Variants in GPR39 observed in about 807,000 individuals in gnomAD.
The protein encoded by GPR39 is G protein-coupled receptor 39.
GPR39 carries 23 observed loss-of-function variants against 18.4 expected under a neutral mutation model. The ratio of observed to expected loss-of-function variants is 1.25; its 90% CI spans 0.90 to 1.77. GPR39 has a LOEUF of 1.77. Ranked by LOEUF, GPR39 falls within the 40% of genes most tolerant of loss-of-function variation. The pLI is 0.00. For missense variants in GPR39, 647 were observed against 602.4 expected, an observed-to-expected ratio of 1.07 and a Z score of -0.78; for synonymous variants, 280 against 257.9, an observed-to-expected ratio of 1.09 and a Z score of -0.82.
At chr2:132,634,870 G>T (rs73955763) in intron 1 of GPR39, among the ~76,000 whole-genome samples, 2,026 of 152,268 alleles carry the variant, frequency 0.013, 41 homozygotes, top group African/African-American at 0.046. Context: ...TACTCTGTTT[G>T]TACCCCATAG....
chr2:132,454,540 G>A (rs1680684965), intron 1 of GPR39, among the ~76,000 whole-genome samples: 3 of 152,268 alleles, frequency 2.0e-5, no homozygotes, highest in Admixed American at 6.5e-5. Context: ...TGGTGAGAGA[G>A]GGCATCCTTG....
At chr2:132,531,750 C>G (rs1042212796) in intron 1 of GPR39, among the ~76,000 whole-genome samples, 1 of 152,214 alleles carries the variant, frequency 6.6e-6, no homozygotes, top group African/African-American at 2.4e-5. Context: ...TGAATGACTA[C>G]TGGGGACATA....
chr2:132,425,147 A>C (rs186718056), intron 1 of GPR39, among the ~76,000 whole-genome samples: 1 of 152,286 alleles, frequency 6.6e-6, no homozygotes, highest in African/African-American at 2.4e-5. Context: ...CCTACCACTT[A>C]CACTAGCATT....
chr2:132,572,964 T>C (rs2104816128), intron 1 of GPR39, among the ~76,000 whole-genome samples: 1 of 152,102 alleles, frequency 6.6e-6, no homozygotes, highest in East Asian at 1.9e-4. Flanking sequence ...AAGTGGAGGA[T>C]GTGGGTTTTA....
chr2:132,492,258 C>G (rs1448047700), intron 1 of GPR39, among the ~76,000 whole-genome samples: 2 of 136,320 alleles, frequency 1.5e-5, no homozygotes, highest in Non-Finnish European at 3.1e-5. Flanking sequence ...CATATATACA[C>G]CATATATATA....
intron 1 of GPR39, among the ~76,000 whole-genome samples, chr2:132,593,963 T>A (rs1680892392): frequency 6.6e-6 from 1 of 152,114 alleles, no homozygotes; most frequent in South Asian, 2.1e-4. Flanking sequence ...CCATCCCGCC[T>A]CCCTGATATT....
intron 1 of GPR39, among the ~76,000 whole-genome samples, chr2:132,468,832 A>G (rs1680978001): frequency 6.6e-6 from 1 of 152,134 alleles, no homozygotes; most frequent in Non-Finnish European, 1.5e-5. Context: ...GGGACAGATG[A>G]GAGAGAGGAG....
chr2:132,534,493 A>G (rs1445268578), intron 1 of GPR39, among the ~76,000 whole-genome samples: 2 of 147,318 alleles, frequency 1.4e-5, no homozygotes, highest in Non-Finnish European at 3.0e-5. Context: ...TACTGGGTAT[A>G]TAACCAAATG....
chr2:132,522,033 T>C (rs1049766811), intron 1 of GPR39, among the ~76,000 whole-genome samples: 1 of 152,200 alleles, frequency 6.6e-6, no homozygotes, highest in Non-Finnish European at 1.5e-5. Flanking sequence ...ATAGTTGCTG[T>C]GTAAATGCGA....
chr2:132,510,735 CT>C (rs1389777771), intron 1 of GPR39, among the ~76,000 whole-genome samples: 1 of 152,048 alleles, frequency 6.6e-6, no homozygotes, highest in African/African-American at 2.4e-5. Flanking sequence ...CATAATAGAT[CT>C]GATAAAATGG....
chr2:132,417,643 C>T lies in GPR39; in HGVS notation c.601C>T (p.Gln201Ter). ...CCGCTCCAGCACCCGCCACCACGAG[C>T]AGCCCGAGACCTCCAATATGTCCAT... ...CNRSSTRHHE[Q>*]PETSNMSICT... Residue 201 changes from glutamine to a stop codon, truncating the protein, a stop_gained, in exon 1 of 2, where the codon CAG (glutamine) becomes TAG (stop). Transcript: ENST00000329321. LOFTEE classifies it high-confidence loss of function. The T allele has an allele frequency of 1.2e-6, 2 of 1,614,130 alleles. No individual in the cohort carries two copies. The highest frequency in any genetic ancestry group is 1.7e-6 in the Non-Finnish European group (2 of 1,180,036).
chr2:132,592,735 G>A (rs1000850253), intron 1 of GPR39, among the ~76,000 whole-genome samples: 2 of 152,206 alleles, frequency 1.3e-5, no homozygotes, highest in Non-Finnish European at 2.9e-5. Context: ...GAGGTGGCAG[G>A]AAGTGATTGG....
intron 1 of GPR39, among the ~76,000 whole-genome samples, chr2:132,479,960 G>A (rs1573622532): frequency 6.6e-6 from 1 of 151,946 alleles, no homozygotes; most frequent in East Asian, 1.9e-4. Context: ...ACTGTTGGCA[G>A]GAATGTAAAA....
intron 1 of GPR39, among the ~76,000 whole-genome samples, chr2:132,589,214 C>A (rs1680784685): frequency 6.6e-6 from 1 of 151,928 alleles, no homozygotes; most frequent in South Asian, 2.1e-4. Flanking sequence ...TGGCCATGTC[C>A]CCCCCTCCCC....
intron 1 of GPR39, among the ~76,000 whole-genome samples, chr2:132,479,315 C>T (rs1436672664): frequency 1.3e-5 from 2 of 152,186 alleles, no homozygotes; most frequent in East Asian, 1.9e-4. Context: ...TAAGAGCAAG[C>T]ACCAAGTGCT....
intron 1 of GPR39, among the ~76,000 whole-genome samples, chr2:132,562,089 C>A (rs116405632): frequency 0.013 from 1,960 of 152,214 alleles, 50 homozygotes; most frequent in African/African-American, 0.045. Context: ...CTTTTAGCAA[C>A]CTGATGTCCA....
rs1162200512 is a variant in GPR39, at chr2:132,417,102, C to T, written c.60C>T (p.Val20=). 3 of 1,614,042 alleles carry T rather than the reference C, an allele frequency of 1.9e-6. No homozygotes were observed. The highest frequency in any genetic ancestry group is 2.5e-6 in the Non-Finnish European group (3 of 1,180,054). The change falls in exon 1 of 2, where the codon GTC becomes GTT. Residue 20 remains valine (V), a synonymous_variant. Transcript: ENST00000329321. ...CCCAAATCATTGATCACAGTCATGT[C>T]CCCGAGTTTGAGGTGGCCACCTGGA... The part of the protein sequence containing the change: ...DCSQIIDHSH[V]PEFEVATWIK...
chr2:132,511,273 T>A (rs149554839), intron 1 of GPR39, among the ~76,000 whole-genome samples: 1 of 152,172 alleles, frequency 6.6e-6, no homozygotes, highest in African/African-American at 2.4e-5. Flanking sequence ...TGCCAACAAA[T>A]CAAGTTTTTC....
At chr2:132,467,265 TG>T (rs1421364077) in intron 1 of GPR39, among the ~76,000 whole-genome samples, 3 of 152,268 alleles carry the variant, frequency 2.0e-5, no homozygotes, top group Non-Finnish European at 2.9e-5. Flanking sequence ...ACAAGCACTG[TG>T]GTTGCAGCAG....
Sources: gnomAD v4.1 joint callset for allele counts (sites outside exome capture counted in the v4.1 genomes callset) on GRCh38, gnomAD v4.1.1 for gene constraint, MANE v1.5 for transcripts, NCBI Gene and HGNC (gene_info 2026-07-23, HGNC 2026-07-21) for gene names.